The following DOCK2 variants were observed in gnomAD, a reference collection of about 807,000 sequenced individuals.
DOCK2 encodes dedicator of cytokinesis protein 2.
DOCK2 carries 87 observed loss-of-function variants against 248.9 expected under a neutral mutation model. The ratio of observed to expected loss-of-function variants is 0.35; its 90% CI spans 0.29 to 0.42. The LOEUF is 0.42. Ranked by LOEUF, DOCK2 falls within the 10% of genes least tolerant of loss-of-function variation. The pLI is 1.00. For missense variants in DOCK2, 1,747 were observed against 2,300.2 expected (o/e 0.76, Z 4.92); for synonymous variants, 805 against 821.6 (o/e 0.98, Z 0.35).
At chr5:169,717,022 A>G (rs1761948034) in intron 20 of DOCK2, among the ~76,000 whole-genome samples, 1 of 152,230 alleles carries the variant, frequency 6.6e-6, no homozygotes, top group Non-Finnish European at 1.5e-5. Context: ...TGACAAATAT[A>G]TACTTTGATT....
intron 27 of DOCK2, among the ~76,000 whole-genome samples, chr5:169,965,471 A>G (rs1403548571): frequency 6.6e-6 from 1 of 152,224 alleles, no homozygotes; most frequent in Non-Finnish European, 1.5e-5. Context: ...AAGATCACAC[A>G]GCTGGCTAGT....
Position 169,708,109 on chromosome 5 carries a change from A to G in DOCK2, c.1384-60A>G, listed in dbSNP as rs1343422331. On this transcript the variant is annotated intron_variant, in intron 14 of 51. Transcript: ENST00000520908. ...GTCGTGGCCTAGGGACCAAACCTGCACAAGCACAGAAAATGACAATTCTGT... is the reference window on the plus strand; with the variant it reads ...GTCGTGGCCTAGGGACCAAACCTGCGCAAGCACAGAAAATGACAATTCTGT... The G allele has an allele frequency of 7.0e-6, 11 of 1,574,548 alleles. No individual in the cohort carries two copies. The African/African-American group carries it at 1.2e-4, about 17-fold the overall frequency.
chr5:169,954,430 G>A (rs971765202), intron 27 of DOCK2, among the ~76,000 whole-genome samples: 1 of 151,974 alleles, frequency 6.6e-6, no homozygotes, highest in African/African-American at 2.4e-5. Context: ...GTATTTTGAA[G>A]CCCCAAAAAA....
rs531227769 is a variant in DOCK2, at chr5:169,907,290, C to T, written c.2799+66438C>T. Among the ~76,000 whole-genome samples, 13 of 152,248 alleles carry T rather than the reference C, an allele frequency of 8.5e-5. No individual in the cohort carries two copies. The East Asian group carries it at 2.1e-3, about 25-fold the overall frequency. ...GATGTGCCCAAGTCAGATGAACACG[C>T]CCAATTTTAGGAGAAGATTCTGCTT... On this transcript the variant is annotated intron_variant, in intron 27 of 51. Transcript: ENST00000520908.
intron 40 of DOCK2, among the ~76,000 whole-genome samples, chr5:170,049,267 A>G (rs1756827607): frequency 2.0e-5 from 3 of 152,206 alleles, no homozygotes. Flanking sequence ...GGCATGTGCC[A>G]CCACGCCCAG....
intron 27 of DOCK2, among the ~76,000 whole-genome samples, chr5:169,902,215 C>A (rs1406263692): frequency 6.6e-6 from 1 of 152,206 alleles, no homozygotes; most frequent in African/African-American, 2.4e-5. Context: ...AACTCCCCTA[C>A]AAAAGAGCTG....
chr5:170,036,106 C>G (rs1296845209), intron 35 of DOCK2, among the ~76,000 whole-genome samples: 1 of 152,192 alleles, frequency 6.6e-6, no homozygotes, highest in African/African-American at 2.4e-5. Flanking sequence ...TGCTACCACT[C>G]ACTTTCCAAC....
Position 169,674,338 on chromosome 5 carries a change from G to GTACGA in DOCK2, c.365_369dup (p.Leu124ThrfsTer3). 6.2e-7 allele frequency: 1 copy of GTACGA among 1,614,162 alleles called. No homozygotes were observed. The highest frequency in any genetic ancestry group is 8.5e-7 in the Non-Finnish European group (1 of 1,180,022). ...GTTTTCTCCAGGTGCAGTCCATGATGTACGATCTGATGGAGTGGAGGTCCC... is the reference window on the plus strand; with the variant it reads ...GTTTTCTCCAGGTGCAGTCCATGATGTACGATACGATCTGATGGAGTGGAGGTCCC... On this transcript the variant is annotated frameshift_variant, in exon 6 of 52. Coordinates refer to ENST00000520908, the MANE Select transcript of DOCK2 (RefSeq NM_004946.3). LOFTEE classifies it high-confidence loss of function.
At chr5:170,043,972 G>A (rs1327057136) in intron 38 of DOCK2, among the ~76,000 whole-genome samples, 1 of 152,212 alleles carries the variant, frequency 6.6e-6, no homozygotes, top group Non-Finnish European at 1.5e-5. Context: ...GGGGAAAAAG[G>A]CAAAGGAACA....
intron 27 of DOCK2, among the ~76,000 whole-genome samples, chr5:169,858,817 C>T (rs569742146): frequency 8.7e-4 from 132 of 151,978 alleles, no homozygotes; most frequent in Non-Finnish European, 1.6e-3. Flanking sequence ...GCTTGGACAA[C>T]ATAGCAAGGC....
chr5:170,032,308 G>A (rs1052828794), intron 34 of DOCK2, among the ~76,000 whole-genome samples: 3 of 152,144 alleles, frequency 2.0e-5, no homozygotes, highest in Admixed American at 6.5e-5. Context: ...TTACAGGTGT[G>A]AGCCACCGCG....
At chr5:170,035,446 G>T (rs753400248) in intron 35 of DOCK2, among the ~76,000 whole-genome samples, 2 of 152,014 alleles carry the variant, frequency 1.3e-5, no homozygotes, top group Non-Finnish European at 2.9e-5. Context: ...AGAATGCCAA[G>T]GAGAGTTTAA....
At chr5:170,036,758 C>T (rs746151109) in intron 36 of DOCK2, among the ~76,000 whole-genome samples, 5 of 152,210 alleles carry the variant, frequency 3.3e-5, no homozygotes, top group African/African-American at 4.8e-5. Context: ...CACGTGAAAT[C>T]GTCTGGCCTT....
intron 27 of DOCK2, among the ~76,000 whole-genome samples, chr5:169,933,131 T>C (rs1241688440): frequency 6.6e-6 from 1 of 152,172 alleles, no homozygotes; most frequent in Non-Finnish European, 1.5e-5. Context: ...TGAAACAGGG[T>C]AAGGAGAAGG....
chr5:169,875,065 G>A (rs1772233588), intron 27 of DOCK2, among the ~76,000 whole-genome samples: 1 of 152,212 alleles, frequency 6.6e-6, no homozygotes, highest in South Asian at 2.1e-4. Context: ...CAAAGATGTA[G>A]TAAGAACTAA....
chr5:169,756,317 G>A (rs2113721424), intron 23 of DOCK2, among the ~76,000 whole-genome samples: 1 of 152,340 alleles, frequency 6.6e-6, no homozygotes, highest in African/African-American at 2.4e-5. Context: ...ATGACATGCA[G>A]CTCTTGAAAG....
At chr5:169,988,433 C>T (rs1027548405) in intron 29 of DOCK2, among the ~76,000 whole-genome samples, 2 of 152,104 alleles carry the variant, frequency 1.3e-5, no homozygotes, top group Non-Finnish European at 2.9e-5. Flanking sequence ...CTTCCTGTTG[C>T]ATTGCTGAAA....
chr5:169,811,336 CTG>C (rs767688880), intron 26 of DOCK2, among the ~76,000 whole-genome samples: 2 of 152,200 alleles, frequency 1.3e-5, no homozygotes, highest in African/African-American at 2.4e-5. Flanking sequence ...CTTTGCATTA[CTG>C]TTTAATTCCC....
intron 1 of DOCK2, among the ~76,000 whole-genome samples, chr5:169,644,704 A>G (rs1050645965): frequency 7.9e-5 from 12 of 151,260 alleles, no homozygotes. Flanking sequence ...TACATGTGCC[A>G]TGGTGGTTTG....
Sources: gnomAD v4.1 joint callset for allele counts (sites outside exome capture counted in the v4.1 genomes callset) on GRCh38, gnomAD v4.1.1 for gene constraint, MANE v1.5 for transcripts, NCBI Gene and HGNC (gene_info 2026-07-23, HGNC 2026-07-21) for gene names.